Variants in CRACD observed in about 807,000 individuals in gnomAD.
CRACD encodes the protein capping protein inhibiting regulator of actin dynamics.
In CRACD, 56 loss-of-function variants were observed where a neutral mutation model predicts 106.8. The observed-to-expected ratio is 0.52, with a 90% CI of 0.42 to 0.66. CRACD has a LOEUF of 0.66. Ranked by LOEUF, CRACD falls within the 30% of genes least tolerant of loss-of-function variation. The pLI is 0.00. For missense variants in CRACD, 1,730 were observed against 1,623.2 expected (o/e 1.07, Z -1.13); for synonymous variants, 754 against 670.8 (o/e 1.12, Z -1.92).
intron 3 of CRACD, among the ~76,000 whole-genome samples, chr4:56,278,454 A>G (rs528345204): frequency 6.6e-6 from 1 of 152,354 alleles, no homozygotes; most frequent in Non-Finnish European, 1.5e-5. Context: ...GGATAGCCAC[A>G]TGCAAAAGAA....
intron 2 of CRACD, among the ~76,000 whole-genome samples, chr4:56,200,997 A>G (rs1478576890): frequency 6.6e-6 from 1 of 152,226 alleles, no homozygotes; most frequent in African/African-American, 2.4e-5. Context: ...AGAGAAGGAG[A>G]AAAAATACTG....
At chr4:56,230,393 T>C (rs1739550826) in intron 2 of CRACD, among the ~76,000 whole-genome samples, 1 of 152,128 alleles carries the variant, frequency 6.6e-6, no homozygotes, top group Non-Finnish European at 1.5e-5. Flanking sequence ...ATTGTTCTAT[T>C]AAACAACATG....
intron 2 of CRACD, among the ~76,000 whole-genome samples, chr4:56,241,708 G>A (rs1389285491): frequency 6.6e-6 from 1 of 152,188 alleles, no homozygotes; most frequent in Non-Finnish European, 1.5e-5. Flanking sequence ...AACATTGGGT[G>A]CCGTGGAAAC....
chr4:56,158,091 T>C (rs748425391), intron 1 of CRACD, among the ~76,000 whole-genome samples: 12 of 152,262 alleles, frequency 7.9e-5, no homozygotes, highest in East Asian at 3.8e-4. Flanking sequence ...TAAATACATA[T>C]GCATGGATGC....
intron 1 of CRACD, among the ~76,000 whole-genome samples, chr4:56,070,575 CCT>C (rs1732611427): frequency 1.3e-5 from 2 of 152,126 alleles, no homozygotes; most frequent in South Asian, 4.1e-4. Context: ...GCGTGAGCCA[CCT>C]TGCCCGGCCC....
At chr4:56,094,780 A>G (rs904095345) in intron 1 of CRACD, among the ~76,000 whole-genome samples, 11 of 152,108 alleles carry the variant, frequency 7.2e-5, no homozygotes, top group African/African-American at 2.7e-4. Context: ...GATCTTATAA[A>G]CTACATTTCT....
chr4:56,315,151 T>A lies in CRACD; in HGVS notation c.1649T>A (p.Phe550Tyr), dbSNP rs776521092. 6.2e-7 allele frequency: 1 copy of A among 1,606,892 alleles called. No individual in the cohort carries two copies. Among genetic ancestry groups the A allele is most frequent in the Non-Finnish European group, 8.5e-7 (1 of 1,177,392 alleles). Residue 550 changes from phenylalanine (F) to tyrosine (Y), a missense_variant, in exon 8 of 11, where the codon TTT becomes TAT. Physicochemically the swap from Phe to Tyr is conservative, Grantham distance 22. This residue lies in a region of CRACD where 1,620 missense variants were observed against 1,481.6 expected (regional missense o/e 1.09). Coordinates refer to ENST00000682029, the MANE Select transcript of CRACD (RefSeq NM_001393381.1). The surrounding 1 kb of genome is among the most constrained non-coding windows in gnomAD (Gnocchi z 4.1). The stretch of plus-strand genomic sequence containing the variant: ...TCCTCCGGAGGGAAGCAGATTCTCT[T>A]TCCCAAAGTCAACCTGAGCCCCGTG... The part of the protein sequence containing the change: ...QVSSGGKQIL[F>Y]PKVNLSPVTP...
chr4:56,307,800 A>G lies in CRACD; in HGVS notation c.285+101A>G, dbSNP rs922091939. 22 of 1,209,076 alleles carry G rather than the reference A, an allele frequency of 1.8e-5. No individual in the cohort carries two copies. In the Admixed American group the frequency reaches 4.0e-4, roughly 22 times the overall value. 74.9% of individuals were successfully genotyped at this position (1,209,076 alleles called of 1,614,324 possible). ...CTGCAGCAGGGGAATTAGAGGGAGG[A>G]GCTTTTCTCATGAGTAGCTCAGGGC... On this transcript the variant is annotated intron_variant, in intron 5 of 10. Coordinates refer to ENST00000682029, the MANE Select transcript of CRACD (RefSeq NM_001393381.1).
At position 56,228,468 on chromosome 4, in the gene CRACD, A is replaced by G. The variant is rs1042037815; in HGVS notation, c.-188-43853A>G. The stretch of plus-strand genomic sequence containing the variant: ...TGCTGAGCCTTGAAGGTTATACAGA[A>G]TTTGCCTAAGTCGGCCAGGATGGTA... On this transcript the variant is annotated intron_variant, in intron 2 of 10. Coordinates refer to ENST00000682029, the MANE Select transcript of CRACD (RefSeq NM_001393381.1). Among the ~76,000 whole-genome samples the G allele has an allele frequency of 1.2e-4, 19 of 152,188 alleles. No individual in the cohort carries two copies. In the South Asian group the frequency reaches 1.7e-3, roughly 13 times the overall value.
intron 5 of CRACD, chr4:56,309,182 G>A (rs1231363008): frequency 1.4e-5 from 5 of 358,866 alleles, no homozygotes; most frequent in Non-Finnish European, 2.8e-5. Flanking sequence ...GGAGCAAGGG[G>A]AGGGTAGAGA....
intron 1 of CRACD, among the ~76,000 whole-genome samples, chr4:56,100,211 C>G (rs1358052522): frequency 6.6e-6 from 1 of 152,070 alleles, no homozygotes; most frequent in Admixed American, 6.5e-5. Context: ...CCAATGCACT[C>G]CAGCCTTGGC....
intron 1 of CRACD, among the ~76,000 whole-genome samples, chr4:56,096,194 A>T (rs1379021597): frequency 6.6e-6 from 1 of 152,174 alleles, no homozygotes; most frequent in Non-Finnish European, 1.5e-5. Flanking sequence ...GGCTGGAAAC[A>T]TACATTGGAG....
Position 56,084,100 on chromosome 4 carries a change from G to A in CRACD, c.-336+34801G>A, listed in dbSNP as rs143990018. The stretch of plus-strand genomic sequence containing the variant: ...TATTAGAATACCAAGAAACATGGCA[G>A]GTGTACTATAAGAGGCAACATTATT... On this transcript the variant is annotated intron_variant, in intron 1 of 10. Coordinates refer to ENST00000682029, the MANE Select transcript of CRACD (RefSeq NM_001393381.1). Among the ~76,000 whole-genome samples the A allele has an allele frequency of 5.8e-3, 878 of 152,270 alleles. 2 individuals are homozygous for A. Among genetic ancestry groups the A allele is most frequent in the Middle Eastern group, 0.02 (6 of 294 alleles).
chr4:56,284,390 A>G (rs1743213039), intron 3 of CRACD, among the ~76,000 whole-genome samples: 2 of 151,814 alleles, frequency 1.3e-5, no homozygotes, highest in Non-Finnish European at 2.9e-5. Flanking sequence ...CTGACCTAAC[A>G]TAGTACTGGG....
chr4:56,304,043 A>G (rs2109737315), intron 4 of CRACD, among the ~76,000 whole-genome samples: 1 of 152,160 alleles, frequency 6.6e-6, no homozygotes, highest in South Asian at 2.1e-4. Context: ...GGATGAACAT[A>G]TCTGTGACAT....
chr4:56,113,608 G>T lies in CRACD; in HGVS notation c.-336+64309G>T, dbSNP rs538103908. Among the ~76,000 whole-genome samples the T allele has an allele frequency of 2.0e-5, 3 of 152,184 alleles. No individual in the cohort carries two copies. In the East Asian group the frequency reaches 5.8e-4, roughly 29 times the overall value. The stretch of plus-strand genomic sequence containing the variant: ...GATTGAGCAAAATCTGCTAGTTTTT[G>T]TTCCCTGTGACACTCTATGTCATCT... On this transcript the variant is annotated intron_variant, in intron 1 of 10. Coordinates refer to ENST00000682029, the MANE Select transcript of CRACD (RefSeq NM_001393381.1).
At chr4:56,326,849 C>T (rs911569782) in intron 10 of CRACD, among the ~76,000 whole-genome samples, 1 of 151,386 alleles carries the variant, frequency 6.6e-6, no homozygotes, top group African/African-American at 2.4e-5. Flanking sequence ...AAGTGATTCT[C>T]CTGCCTCAAC....
rs1174585292 is a variant in CRACD at position 56,202,762 on chromosome 4, A to AT, written c.-189+23338dup. Among the ~76,000 whole-genome samples the AT allele has an allele frequency of 2.6e-5, 4 of 152,148 alleles. No homozygotes were observed. In the East Asian group the frequency reaches 7.7e-4, roughly 29 times the overall value. On this transcript the variant is annotated intron_variant, in intron 2 of 10. Coordinates refer to ENST00000682029, the MANE Select transcript of CRACD (RefSeq NM_001393381.1). ...GATTAAACCTTCTGAAATAACTTTT[A>AT]TTTTTTCTAATAAAAGTATTTTATG... is the stretch of plus-strand genomic sequence containing the variant.
intron 8 of CRACD, among the ~76,000 whole-genome samples, chr4:56,318,293 G>A (rs528582930): frequency 2.0e-5 from 3 of 152,254 alleles, no homozygotes; most frequent in East Asian, 3.9e-4. Context: ...ACCGCACCCA[G>A]CTTGTCCTTT....
Sources: gnomAD v4.1 joint callset for allele counts (sites outside exome capture counted in the v4.1 genomes callset) on GRCh38, gnomAD v4.1.1 for gene constraint, gnomAD v4.1.1 regional missense constraint, Gnocchi (gnomAD v3.1) non-coding constraint, MANE v1.5 for transcripts, NCBI Gene and HGNC (gene_info 2026-07-23, HGNC 2026-07-21) for gene names.